Variants in OTUD7A observed in about 807,000 individuals in gnomAD.
The protein encoded by OTUD7A is OTU deubiquitinase 7A.
OTUD7A carries 12 observed loss-of-function variants against 65.7 expected under a neutral mutation model. The ratio of observed to expected loss-of-function variants is 0.18; its 90% CI spans 0.12 to 0.30. The LOEUF (loss-of-function observed/expected upper bound fraction) is 0.30. OTUD7A is among the 10% of genes least tolerant of loss of function. The pLI is 1.00. For missense variants in OTUD7A, 1,148 were observed against 1,304.8 expected (o/e 0.88, Z 1.85); for synonymous variants, 641 against 586.3 (o/e 1.09, Z -1.35).
At chr15:31,559,487 TAC>T (rs576930498) in intron 4 of OTUD7A, among the ~76,000 whole-genome samples, 5 of 151,998 alleles carry the variant, frequency 3.3e-5, no homozygotes, top group Non-Finnish European at 7.4e-5. Context: ...CACATACGCA[TAC>T]ACACACATGC....
chr15:31,676,595 G>A (rs1434226572), intron 1 of OTUD7A, among the ~76,000 whole-genome samples: 5 of 152,222 alleles, frequency 3.3e-5, no homozygotes, highest in South Asian at 2.1e-4. Flanking sequence ...CATGAGGGAC[G>A]GGTCAAGAGA....
At chr15:31,573,640 C>A (rs1476268340) in intron 3 of OTUD7A, among the ~76,000 whole-genome samples, 21 of 152,212 alleles carry the variant, frequency 1.4e-4, no homozygotes, top group African/African-American at 5.1e-4. Flanking sequence ...GTGTTTCACA[C>A]CTGTAATCCC....
chr15:31,766,576 G>T lies in OTUD7A; in HGVS notation c.-100+103931C>A. ...CTTGTGCTGCCTTGTCCAACATTTGGTTTCATGGTAATTTCAGCCACTGGT... is the reference window on the plus strand; with the variant it reads ...CTTGTGCTGCCTTGTCCAACATTTGTTTTCATGGTAATTTCAGCCACTGGT... On this transcript the variant is annotated intron_variant, in intron 1 of 12. Coordinates refer to ENST00000307050, the MANE Select transcript of OTUD7A (RefSeq NM_001382637.1). 1.9e-6 allele frequency: 3 copies of T among 1,613,150 alleles called. No homozygotes were observed. The East Asian group carries it at 6.7e-5, about 36-fold the overall frequency.
chr15:31,577,955 A>T (rs768251435), intron 3 of OTUD7A, among the ~76,000 whole-genome samples: 1 of 152,234 alleles, frequency 6.6e-6, no homozygotes, highest in Non-Finnish European at 1.5e-5. Context: ...AAGAGAAGGA[A>T]GGAGCACTCT....
chr15:31,754,260 C>T (rs1894747164), intron 1 of OTUD7A, among the ~76,000 whole-genome samples: 1 of 151,436 alleles, frequency 6.6e-6, no homozygotes, highest in African/African-American at 2.4e-5. Flanking sequence ...GGATATTAGT[C>T]CTTTGTCAGA....
intron 1 of OTUD7A, among the ~76,000 whole-genome samples, chr15:31,711,054 A>AT (rs768515543): frequency 2.9e-3 from 405 of 139,088 alleles, no homozygotes; most frequent in Non-Finnish European, 4.1e-3. Flanking sequence ...AGCTGAATTG[A>AT]TTGTGGCCTG....
intron 3 of OTUD7A, among the ~76,000 whole-genome samples, chr15:31,631,703 C>T (rs1891162170): frequency 6.6e-6 from 1 of 151,460 alleles, no homozygotes; most frequent in Admixed American, 6.6e-5. Context: ...TGGTTCCATT[C>T]TCCCCATCAC....
At chr15:31,766,989 T>G in intron 1 of OTUD7A, 1 of 1,611,904 alleles carries the variant, frequency 6.2e-7, no homozygotes. Flanking sequence ...TATGACAACT[T>G]CCTCCCATTA....
intron 1 of OTUD7A, among the ~76,000 whole-genome samples, chr15:31,861,956 C>G (rs190385317): frequency 6.6e-6 from 1 of 152,340 alleles, no homozygotes; most frequent in East Asian, 1.9e-4. Context: ...CCAGTGGTCT[C>G]AGAGCCAAGG....
At chr15:31,853,975 T>A (rs569453469) in intron 1 of OTUD7A, among the ~76,000 whole-genome samples, 1 of 152,344 alleles carries the variant, frequency 6.6e-6, no homozygotes, top group African/African-American at 2.4e-5. Context: ...TAAAGTGACT[T>A]TATAAAAATA....
At chr15:31,815,138 G>A (rs967390257) in intron 1 of OTUD7A, among the ~76,000 whole-genome samples, 1 of 152,114 alleles carries the variant, frequency 6.6e-6, no homozygotes, top group Non-Finnish European at 1.5e-5. Context: ...GGGCCTTCTA[G>A]GGTGCTGTAT....
At chr15:31,577,836 A>C (rs1275717833) in intron 3 of OTUD7A, among the ~76,000 whole-genome samples, 3 of 147,690 alleles carry the variant, frequency 2.0e-5, no homozygotes, top group African/African-American at 7.4e-5. Flanking sequence ...AAAAAAAAAC[A>C]ACACAGAAGC....
intron 3 of OTUD7A, among the ~76,000 whole-genome samples, chr15:31,627,538 C>T (rs1890999207): frequency 6.6e-6 from 1 of 152,030 alleles, no homozygotes. Context: ...GTGAATAGTG[C>T]TGCAATAAAC....
intron 1 of OTUD7A, among the ~76,000 whole-genome samples, chr15:31,687,550 T>G (rs1177520669): frequency 1.3e-5 from 2 of 152,206 alleles, no homozygotes; most frequent in African/African-American, 2.4e-5. Flanking sequence ...CCCAGTCTCC[T>G]AATTGTAATT....
intron 1 of OTUD7A, among the ~76,000 whole-genome samples, chr15:31,681,577 G>C (rs932002192): frequency 6.6e-6 from 1 of 151,066 alleles, no homozygotes; most frequent in African/African-American, 2.4e-5. Flanking sequence ...CTGCCTGAAT[G>C]TCTGTCTATA....
Position 31,484,826 on chromosome 15 carries a change from C to G in OTUD7A, c.1372-102G>C. On this transcript the variant is annotated intron_variant, in intron 12 of 12. Coordinates refer to ENST00000307050, the MANE Select transcript of OTUD7A (RefSeq NM_001382637.1). This position sits in a 1 kb window ranked among gnomAD's most constrained non-coding sequence, Gnocchi z 4.5. Reference sequence around the variant, plus strand: ...GCCCCTGTGTTGCCGAGGCTAGGGCCCTGGACCTTCACTGTCCCAGTCCCC... The same window carrying G: ...GCCCCTGTGTTGCCGAGGCTAGGGCGCTGGACCTTCACTGTCCCAGTCCCC... 6.7e-7 allele frequency: 1 copy of G among 1,485,556 alleles called. No individual in the cohort carries two copies. Among genetic ancestry groups the G allele is most frequent in the Non-Finnish European group, 8.9e-7 (1 of 1,120,950 alleles). 92.0% of individuals were successfully genotyped at this position (1,485,556 alleles called of 1,614,324 possible).
chr15:31,547,911 T>C (rs1888183899), intron 5 of OTUD7A, among the ~76,000 whole-genome samples: 1 of 152,204 alleles, frequency 6.6e-6, no homozygotes, highest in African/African-American at 2.4e-5. Context: ...CTGTTTGCCC[T>C]AAAAAGAAGG....
chr15:31,740,243 C>G (rs536619035), intron 1 of OTUD7A, among the ~76,000 whole-genome samples: 54 of 152,044 alleles, frequency 3.6e-4, no homozygotes, highest in Admixed American at 8.5e-4. Flanking sequence ...TGGGCAGGTG[C>G]GTCTGAGTGC....
rs541293051 is a variant in OTUD7A, at chr15:31,758,945, A to G, written c.-99-101868T>C. 2.0e-5 allele frequency among the ~76,000 whole-genome samples: 3 copies of G among 152,300 alleles called. No homozygotes were observed. In the East Asian group the frequency reaches 5.8e-4, roughly 29 times the overall value. ...TGTCTGGGATGCTATCTAGGCATTG[A>G]AGTGTTTTTCTGACCTGCCCCCTCC... On this transcript the variant is annotated intron_variant, in intron 1 of 12. Coordinates refer to ENST00000307050, the MANE Select transcript of OTUD7A (RefSeq NM_001382637.1).
Sources: gnomAD v4.1 joint callset for allele counts (sites outside exome capture counted in the v4.1 genomes callset) on GRCh38, gnomAD v4.1.1 for gene constraint, Gnocchi (gnomAD v3.1) non-coding constraint, MANE v1.5 for transcripts, NCBI Gene and HGNC (gene_info 2026-07-23, HGNC 2026-07-21) for gene names.